The following NPR2 variants were observed in gnomAD, a reference collection of about 807,000 sequenced individuals.
NPR2 encodes the protein natriuretic peptide receptor 2.
A neutral mutation model predicts 120.7 loss-of-function variants in NPR2; 49 were observed. That is an observed-to-expected ratio of 0.41 (90% CI 0.32 to 0.52). The LOEUF (loss-of-function observed/expected upper bound fraction) is 0.52. Ranked by LOEUF, NPR2 falls within the 20% of genes least tolerant of loss-of-function variation. NPR2 has a pLI of 0.36. For missense variants in NPR2, 931 were observed against 1,362.9 expected (o/e 0.68, Z 4.99); for synonymous variants, 484 against 519.8 (o/e 0.93, Z 0.94).
Position 35,802,477 on chromosome 9 carries a change from TC to T in NPR2, c.1711-24del, listed in dbSNP as rs749943745. ...ATTTTTAACTCTTTCAATTTTCTTA[TC>T]CTTCCCATTGTTTTTTTCTGCCAGA... is the stretch of plus-strand genomic sequence containing the variant. On this transcript the variant is annotated intron_variant, in intron 10 of 21. Coordinates refer to ENST00000342694, the MANE Select transcript of NPR2 (RefSeq NM_003995.4). This position sits in a 1 kb window ranked among gnomAD's most constrained non-coding sequence, Gnocchi z 4.2. The T allele has an allele frequency of 9.5e-6, 13 of 1,364,628 alleles. No homozygotes were observed. Among genetic ancestry groups the T allele is most frequent in the Non-Finnish European group, 1.2e-5 (11 of 952,162 alleles). The allele number at this position is 1,364,628 out of a possible 1,614,324, so 84.5% of individuals were successfully genotyped here. A position where few individuals can be genotyped will look rare whatever the true frequency, so the allele number is the denominator to read the frequency against.
Position 35,792,558 on chromosome 9 carries a change from A to T in NPR2, c.150A>T (p.Ala50=). The T allele has an allele frequency of 9.3e-6, 15 of 1,612,410 alleles. No individual in the cohort carries two copies. Among genetic ancestry groups the T allele is most frequent in the Non-Finnish European group, 1.3e-5 (15 of 1,179,954 alleles). ...WAWPRVGPAV[A]LAVEALGRAL... ...GGCCACGGGTGGGACCCGCTGTGGC[A>T]CTAGCTGTGGAGGCTCTGGGCCGGG... is the stretch of plus-strand genomic sequence containing the variant. Residue 50 remains alanine, a synonymous_variant, in exon 1 of 22, where the codon GCA becomes GCT. Transcript: ENST00000342694.
At chr9:35,799,779 G>A in intron 3 of NPR2, 48 bp downstream of exon 3, 1 of 1,522,730 alleles carries the variant, frequency 6.6e-7, no homozygotes, top group Non-Finnish European at 9.1e-7. Context: ...CTTTGGGGAA[G>A]GGCTTCTCTC....
chr9:35,803,344 T>C (rs924894934), intron 12 of NPR2, among the ~76,000 whole-genome samples: 1 of 82,466 alleles, frequency 1.2e-5, no homozygotes, highest in African/African-American at 8.0e-5. Flanking sequence ...GACCTCGTGA[T>C]CCGCCCGCCT....
intron 2 of NPR2, among the ~76,000 whole-genome samples, chr9:35,798,865 A>G (rs986540799): frequency 6.6e-6 from 1 of 152,192 alleles, no homozygotes; most frequent in Non-Finnish European, 1.5e-5. Context: ...AGATGTGTGC[A>G]TGTCTGAGAT....
chr9:35,792,691 C>T lies in NPR2; in HGVS notation c.283C>T (p.Leu95=), dbSNP rs752348398. ...VDLKLYHDPD[L]LLGPGCVYPA... is the part of the protein sequence containing the mutation. ...CCTCAAGCTGTACCATGACCCCGAC[C>T]TGCTGTTAGGTCCCGGTTGCGTGTA... The change falls in exon 1 of 22, where the codon CTG becomes TTG. Residue 95 remains leucine, a synonymous_variant. Coordinates refer to ENST00000342694, the MANE Select transcript of NPR2 (RefSeq NM_003995.4). 6.2e-7 allele frequency: 1 copy of T among 1,614,190 alleles called. No individual in the cohort carries two copies. The highest frequency in any genetic ancestry group is 1.3e-5 in the African/African-American group (1 of 75,062).
Position 35,801,130 on chromosome 9 carries a change from G to A in NPR2, c.1412G>A (p.Gly471Asp). 6.2e-7 allele frequency: 1 copy of A among 1,614,066 alleles called. No homozygotes were observed. The highest frequency in any genetic ancestry group is 8.5e-7 in the Non-Finnish European group (1 of 1,179,932). ...ACAGGAATCACCTTCATCATGTTTG[G>A]TGTTTCCAGCTTCCTAATTTTCCGG... ...LGTGITFIMF[G>D]VSSFLIFRKL... The change falls in exon 7 of 22, where the codon GGT becomes GAT. Residue 471 changes from glycine (G) to aspartate (D), a missense_variant. By Grantham distance (94) the Gly-to-Asp change is moderately conservative. Transcript: ENST00000342694.
chr9:35,806,524 C>T lies in NPR2; in HGVS notation c.2505C>T (p.Tyr835=). The part of the protein sequence containing the change: ...EEKRKAEALL[Y]QILPHSVAEQ... ...AACGCAAGGCTGAAGCTCTGCTCTA[C>T]CAAATCCTACCCCAGTGAGACTTTG... The change falls in exon 16 of 22, where the codon TAC becomes TAT. Residue 835 remains tyrosine, a synonymous_variant. Transcript: ENST00000342694. This position sits in a 1 kb window ranked among gnomAD's most constrained non-coding sequence, Gnocchi z 4.6. 2 of 1,614,210 alleles carry T rather than the reference C, an allele frequency of 1.2e-6. No individual in the cohort carries two copies. Among genetic ancestry groups the T allele is most frequent in the Non-Finnish European group, 1.7e-6 (2 of 1,180,032 alleles).
Position 35,802,143 on chromosome 9 carries a change from C to A in NPR2, c.1633-63C>A. On this transcript the variant is annotated intron_variant, in intron 9 of 21. Transcript: ENST00000342694. The surrounding 1 kb of genome is among the most constrained non-coding windows in gnomAD (Gnocchi z 4.2). ...CCTGGGTGCTTCCACTGCTCTCTAG[C>A]ATTTCCTTGTACCCAGAACTTCTGA... The A allele has an allele frequency of 7.6e-7, 1 of 1,320,982 alleles. No homozygotes were observed. Among genetic ancestry groups the A allele is most frequent in the Non-Finnish European group, 1.1e-6 (1 of 912,570 alleles). The allele number at this position is 1,320,982 out of a possible 1,614,324, so 81.8% of individuals were successfully genotyped here.
At position 35,802,577 on chromosome 9, in the gene NPR2, C is replaced by T. The variant is rs1828213891; in HGVS notation, c.1785C>T (p.Val595=). Residue 595 remains valine, a synonymous_variant, in exon 11 of 22, where the codon GTC becomes GTT. Transcript: ENST00000342694. The surrounding 1 kb of genome is among the most constrained non-coding windows in gnomAD (Gnocchi z 4.2). The part of the protein sequence containing the change: ...ACIDPPNICI[V]TEYCPRGSLQ... ...TAGACCCTCCCAACATTTGCATTGT[C>T]ACTGAATACTGTCCTCGTGGGAGTT... 1.2e-6 allele frequency: 2 copies of T among 1,604,554 alleles called. No individual in the cohort carries two copies. The highest frequency in any genetic ancestry group is 1.7e-6 in the Non-Finnish European group (2 of 1,171,346).
intron 7 of NPR2, 24 bp downstream of exon 7, chr9:35,801,178 C>A: frequency 6.4e-7 from 1 of 1,559,136 alleles, no homozygotes; most frequent in Non-Finnish European, 8.9e-7. Context: ...TTCTTGCTGA[C>A]CTACTCCCTG....
At chr9:35,797,866 C>G (rs1184565925) in intron 2 of NPR2, among the ~76,000 whole-genome samples, 2 of 152,074 alleles carry the variant, frequency 1.3e-5, no homozygotes, top group Non-Finnish European at 2.9e-5. Context: ...ATACAAAGAT[C>G]TTATCTGCTT....
rs1827801708 is a variant in NPR2 at position 35,792,168 on chromosome 9, C to G, written c.-241C>G. 1 of 524,920 alleles carries G rather than the reference C, an allele frequency of 1.9e-6. No homozygotes were observed. The highest frequency in any genetic ancestry group is 3.4e-6 in the Non-Finnish European group (1 of 291,366). 32.5% of individuals were successfully genotyped at this position (524,920 alleles called of 1,614,324 possible). A position where few individuals can be genotyped will look rare whatever the true frequency, so the allele number is the denominator to read the frequency against. ...CGGTCCCTCCCTCCCCCTGCCACCC[C>G]GTTCTCAGTCCTCAGTCCTTGCCCT... is the stretch of plus-strand genomic sequence containing the variant. On this transcript the variant is annotated 5_prime_UTR_variant, in exon 1 of 22. Transcript: ENST00000342694.
In NPR2 at chr9:35,807,658, G is replaced by T. The variant is rs114589325; in HGVS notation, c.2712+260G>T. Among the ~76,000 whole-genome samples the T allele has an allele frequency of 5.3e-3, 808 of 152,316 alleles. 7 individuals are homozygous for T. The highest frequency in any genetic ancestry group is 0.018 in the African/African-American group (753 of 41,566). The stretch of plus-strand genomic sequence containing the variant: ...GAGATTTAGCTCCTATCTTCCTGGA[G>T]TATAAATACAGCCTATCCAACATTT... On this transcript the variant is annotated intron_variant, in intron 18 of 21. Coordinates refer to ENST00000342694, the MANE Select transcript of NPR2 (RefSeq NM_003995.4).
At chr9:35,794,393 G>T (rs1588052332) in intron 2 of NPR2, among the ~76,000 whole-genome samples, 1 of 152,238 alleles carries the variant, frequency 6.6e-6, no homozygotes, top group Non-Finnish European at 1.5e-5. Flanking sequence ...AGTTCAGGAA[G>T]AGATCTGATC....
intron 17 of NPR2, 29 bp downstream of exon 17, chr9:35,807,175 TGGGGTTGGGTGGGTA>T: frequency 3.6e-6 from 1 of 277,246 alleles, no homozygotes. Flanking sequence ...AGGTGGCGGG[TGGGGTTGGGTGGGTA>T]GGGACCTGGG....
In NPR2 at chr9:35,802,241, G is replaced by T; in HGVS notation, c.1668G>T (p.Lys556Asn). The T allele has an allele frequency of 6.2e-7, 1 of 1,609,088 alleles. No homozygotes were observed. The highest frequency in any genetic ancestry group is 8.5e-7 in the Non-Finnish European group (1 of 1,175,756). ...TCGCCATCAAACATGTGAATAAGAA[G>T]CGCATTGAGCTGACCCGGCAGGTTC... is the stretch of plus-strand genomic sequence containing the variant. The part of the protein sequence containing the change: ...NVVAIKHVNK[K>N]RIELTRQVLF... The change falls in exon 10 of 22, where the codon AAG (lysine) becomes AAT (asparagine). Residue 556 changes from lysine to asparagine, a missense_variant. Coordinates refer to ENST00000342694, the MANE Select transcript of NPR2 (RefSeq NM_003995.4). The surrounding 1 kb of genome is among the most constrained non-coding windows in gnomAD (Gnocchi z 4.2).
In NPR2 at chr9:35,799,598, C is replaced by A; in HGVS notation, c.874-20C>A. ...CTATCTTGAATCCTGTTCACTCTTCCCCATATGCTGCTGGTACAGACTGTA... is the reference window on the plus strand; with the variant it reads ...CTATCTTGAATCCTGTTCACTCTTCACCATATGCTGCTGGTACAGACTGTA... On this transcript the variant is annotated intron_variant, in intron 2 of 21. Coordinates refer to ENST00000342694, the MANE Select transcript of NPR2 (RefSeq NM_003995.4). 1 of 1,542,352 alleles carries A rather than the reference C, an allele frequency of 6.5e-7. No individual in the cohort carries two copies. Among genetic ancestry groups the A allele is most frequent in the Non-Finnish European group, 9.0e-7 (1 of 1,114,732 alleles).
chr9:35,800,406 G>T lies in NPR2; in HGVS notation c.1141G>T (p.Val381Phe), dbSNP rs368930674. The T allele has an allele frequency of 6.2e-7, 1 of 1,614,080 alleles. No homozygotes were observed. The highest frequency in any genetic ancestry group is 1.1e-5 in the South Asian group (1 of 91,082). Reference protein sequence around the residue: ...RRYHGVTGLVVMDKNNDRETD... With the variant: ...RRYHGVTGLVFMDKNNDRETD... ...TGTCTTAGGTGTAACTGGGCTGGTT[G>T]TCATGGACAAGAACAATGACCGAGA... Residue 381 changes from valine (V) to phenylalanine (F), a missense_variant, in exon 5 of 22, where the codon GTC (valine) becomes TTC (phenylalanine). Physicochemically the swap from Val to Phe is conservative, Grantham distance 50. Transcript: ENST00000342694. This position sits in a 1 kb window ranked among gnomAD's most constrained non-coding sequence, Gnocchi z 4.7.
Position 35,806,559 on chromosome 9 carries a change from C to T in NPR2, c.2519+21C>T, listed in dbSNP as rs1373565860. On this transcript the variant is annotated intron_variant, in intron 16 of 21. Transcript: ENST00000342694. This position sits in a 1 kb window ranked among gnomAD's most constrained non-coding sequence, Gnocchi z 4.6. ...CCCCAGTGAGACTTTGTCCCCCTTC[C>T]TGTATTTTCTTTTGGGATTCTGCTC... 6.2e-7 allele frequency: 1 copy of T among 1,614,076 alleles called. No homozygotes were observed. Among genetic ancestry groups the T allele is most frequent in the Non-Finnish European group, 8.5e-7 (1 of 1,179,954 alleles).
Sources: allele counts gnomAD v4.1 joint callset (sites outside exome capture counted in the v4.1 genomes callset), GRCh38; gene constraint gnomAD v4.1.1; non-coding constraint Gnocchi (gnomAD v3.1); transcripts MANE v1.5; gene names NCBI Gene and HGNC (gene_info 2026-07-23, HGNC 2026-07-21).